REV3L: variants seen among roughly 807,000 people sequenced by gnomAD.
The protein encoded by REV3L is DNA polymerase zeta catalytic subunit.
REV3L carries 69 observed loss-of-function variants against 299.4 expected under a neutral mutation model. The observed-to-expected ratio is 0.23, with a 90% CI of 0.19 to 0.28. The LOEUF (loss-of-function observed/expected upper bound fraction) is 0.28. REV3L is among the 10% of genes least tolerant of loss of function. The pLI, the probability that REV3L is intolerant of heterozygous loss-of-function variation, is 1.00. For missense variants in REV3L, 3,128 were observed against 3,693.8 expected, an observed-to-expected ratio of 0.85 and a Z score of 3.97; for synonymous variants, 1,238 against 1,271.4, an observed-to-expected ratio of 0.97 and a Z score of 0.56.
chr6:111,430,397 G>A, intron 1 of REV3L: 2 of 1,352,742 alleles, frequency 1.5e-6, no homozygotes, highest in Non-Finnish European at 2.1e-6. Flanking sequence ...ATGACTACCA[G>A]TCCATAGAAA....
chr6:111,389,114 T>C lies in REV3L; in HGVS notation c.854A>G (p.Glu285Gly), dbSNP rs770946582. ...CACTATTAGGTTTATACCTTGTGAC[T>C]CAGGTTGGCTCATTTGAGAAGTTTC... ...RNETSQMSQP[E>G]SQDHRFVPAT... The change falls in exon 7 of 32, where the codon GAG (glutamate) becomes GGG (glycine). Residue 285 changes from glutamate (E) to glycine (G), a missense_variant. Glu to Gly is a moderately conservative substitution (Grantham distance 98). Around this residue, in one of 9 missense-constraint regions of REV3L, gnomAD observed 2,409 missense variants for 2,611.8 expected, o/e 0.92. Transcript: ENST00000368802. 6.2e-7 allele frequency: 1 copy of C among 1,612,708 alleles called. No homozygotes were observed. Among genetic ancestry groups the C allele is most frequent in the African/African-American group, 1.3e-5 (1 of 74,908 alleles).
In REV3L at chr6:111,307,483, C is replaced by G; in HGVS notation, c.9130G>C (p.Val3044Leu). ...CCATGCTGAGTTAGGTCATCACACA[C>G]AGGACAGTGTAAGGTAGTAAAATAT... The part of the protein sequence containing the change: ...SQYFTTLHCP[V>L]CDDLTQHGIC... Residue 3044 changes from valine (V) to leucine (L), a missense_variant, in exon 31 of 32, where the codon GTG (valine) becomes CTG (leucine). This residue lies in a region of REV3L where 294 missense variants were observed against 377.0 expected (regional missense o/e 0.78). Coordinates refer to ENST00000368802, the MANE Select transcript of REV3L (RefSeq NM_001372078.1). 1 of 1,614,192 alleles carries G rather than the reference C, an allele frequency of 6.2e-7. No individual in the cohort carries two copies. Among genetic ancestry groups the G allele is most frequent in the African/African-American group, 1.3e-5 (1 of 75,048 alleles).
At chr6:111,464,404 A>G (rs1348014205) in intron 1 of REV3L, among the ~76,000 whole-genome samples, 1 of 152,226 alleles carries the variant, frequency 6.6e-6, no homozygotes, top group Admixed American at 6.5e-5. Context: ...ATAGATAGGT[A>G]TGTATGGAAT....
intron 20 of REV3L, among the ~76,000 whole-genome samples, chr6:111,345,267 G>C (rs2114912996): frequency 6.6e-6 from 1 of 152,062 alleles, no homozygotes; most frequent in South Asian, 2.1e-4. Flanking sequence ...GAAGATATGG[G>C]GAACAGAGAA....
At chr6:111,430,178 GA>G (rs1786719987) in intron 1 of REV3L, 4 of 796,502 alleles carry the variant, frequency 5.0e-6, no homozygotes, top group Non-Finnish European at 6.9e-6. Context: ...TGCCCGGTGA[GA>G]AGCCTCTCAC....
At position 111,319,868 on chromosome 6, in the gene REV3L, TGCCCAG is replaced by T. The variant is rs1005921471; in HGVS notation, c.8351+2695_8351+2700del. Among the ~76,000 whole-genome samples, 15 of 152,130 alleles carry T rather than the reference TGCCCAG, an allele frequency of 9.9e-5. 1 individual carries two copies. The highest frequency in any genetic ancestry group is 5.8e-4 in the East Asian group (3 of 5,184). Reference sequence around the variant, plus strand: ...CTCTGAGATGGAGTTTTGCTCTTGTTGCCCAGGCTGGAGTGCAGTGGCGCGATTTTG... The same window carrying T: ...CTCTGAGATGGAGTTTTGCTCTTGTTGCTGGAGTGCAGTGGCGCGATTTTG... On this transcript the variant is annotated intron_variant, in intron 26 of 31. Transcript: ENST00000368802.
chr6:111,332,646 C>T (rs1775514507), intron 23 of REV3L, among the ~76,000 whole-genome samples: 1 of 152,090 alleles, frequency 6.6e-6, no homozygotes, highest in Admixed American at 6.5e-5. Flanking sequence ...AGAAAAGTAT[C>T]TAATCCTTTG....
chr6:111,473,254 T>C (rs912156191), intron 1 of REV3L, among the ~76,000 whole-genome samples: 6 of 149,054 alleles, frequency 4.0e-5, no homozygotes, highest in Non-Finnish European at 5.9e-5. Context: ...AGAGACGGGG[T>C]CTTGCCATGT....
chr6:111,359,640 G>T (rs1778445568), intron 16 of REV3L, among the ~76,000 whole-genome samples: 1 of 150,534 alleles, frequency 6.6e-6, no homozygotes, highest in African/African-American at 2.4e-5. Context: ...TGCTTTTCAT[G>T]CTTATTTTTC....
intron 3 of REV3L, among the ~76,000 whole-genome samples, chr6:111,410,211 A>C (rs1188351296): frequency 6.6e-6 from 1 of 152,216 alleles, no homozygotes; most frequent in Non-Finnish European, 1.5e-5. Context: ...TCTTGAAAAA[A>C]TAATAAATGA....
At position 111,476,920 on chromosome 6, in the gene REV3L, T is replaced by C. The variant is rs543229640; in HGVS notation, c.139+5830A>G. Among the ~76,000 whole-genome samples the C allele has an allele frequency of 2.0e-5, 3 of 152,314 alleles. No homozygotes were observed. The East Asian group carries it at 5.8e-4, about 29-fold the overall frequency. On this transcript the variant is annotated intron_variant, in intron 1 of 31. Transcript: ENST00000368802. The stretch of plus-strand genomic sequence containing the variant: ...ATCTAGAAAATCAATTTTTCCTTAA[T>C]TTTGTACATGGTTTTTTTAAATTAT...
intron 5 of REV3L, among the ~76,000 whole-genome samples, chr6:111,391,652 C>T (rs971171015): frequency 5.9e-5 from 9 of 152,308 alleles, no homozygotes; most frequent in East Asian, 1.9e-4. Context: ...TTGTCAGCTG[C>T]GCTTGGTGGC....
intron 17 of REV3L, among the ~76,000 whole-genome samples, chr6:111,357,747 C>T (rs1302346990): frequency 6.6e-6 from 1 of 152,038 alleles, no homozygotes; most frequent in African/African-American, 2.4e-5. Flanking sequence ...TACTTTGTTT[C>T]TGTCTTTACT....
intron 4 of REV3L, among the ~76,000 whole-genome samples, chr6:111,403,647 T>C (rs1236839057): frequency 1.3e-5 from 2 of 152,196 alleles, no homozygotes; most frequent in Non-Finnish European, 2.9e-5. Context: ...TTTCTTTCTT[T>C]CCTAGCACCT....
chr6:111,357,224 T>C, intron 17 of REV3L, 99 bp from the exon 18 acceptor site: 1 of 381,772 alleles, frequency 2.6e-6, no homozygotes, highest in Non-Finnish European at 4.5e-6. Flanking sequence ...AGTAAAATTG[T>C]ACTACTGAAA....
At position 111,367,789 on chromosome 6, in the gene REV3L, G is replaced by A. The variant is rs746618788; in HGVS notation, c.5999C>T (p.Ala2000Val). 3 of 1,613,970 alleles carry A rather than the reference G, an allele frequency of 1.9e-6. No individual in the cohort carries two copies. Among genetic ancestry groups the A allele is most frequent in the Non-Finnish European group, 2.5e-6 (3 of 1,180,018 alleles). Residue 2000 changes from alanine to valine, a missense_variant, in exon 14 of 32, where the codon GCC (alanine) becomes GTC (valine). Ala to Val is a moderately conservative substitution (Grantham distance 64). Transcript: ENST00000368802. The part of the protein sequence containing the change: ...KKIVIMPCKC[A>V]PSRQLVQVWL... The stretch of plus-strand genomic sequence containing the variant: ...CACTTGAACCAGTTGTCGACTTGGG[G>A]CACATTTGCAAGGCATAATCACAAT...
chr6:111,311,185 T>C lies in REV3L; in HGVS notation c.8679A>G (p.Gln2893=), dbSNP rs976236994. ...CCTTTCCTTCCAGAAGCTTCATACA[T>C]TGTCGCTGAACATACTGTTTAATTA... ...ISLIKQYVQR[Q]CMKLLEGKAS... The change falls in exon 29 of 32, where the codon CAA becomes CAG. Residue 2893 remains glutamine, a synonymous_variant. Transcript: ENST00000368802. 5.0e-6 allele frequency: 8 copies of C among 1,613,922 alleles called. No individual in the cohort carries two copies. Among genetic ancestry groups the C allele is most frequent in the South Asian group, 4.4e-5 (4 of 91,076 alleles).
chr6:111,338,646 AAAGT>A (rs1286292485), intron 21 of REV3L, among the ~76,000 whole-genome samples: 2 of 151,994 alleles, frequency 1.3e-5, no homozygotes. Context: ...AAAAATGGTG[AAAGT>A]AAGTCTAATA....
chr6:111,419,360 A>C lies in REV3L; in HGVS notation c.140-2888T>G, dbSNP rs149766617. ...AATAAGGAAAGAGAAATGTGTAAAA[A>C]TGAACACGAGAGTCAACTGCTTTTT... On this transcript the variant is annotated intron_variant, in intron 1 of 31. Coordinates refer to ENST00000368802, the MANE Select transcript of REV3L (RefSeq NM_001372078.1). Among the ~76,000 whole-genome samples, 988 of 152,382 alleles carry C rather than the reference A, an allele frequency of 6.5e-3. 26 individuals carry two copies. Among genetic ancestry groups the C allele is most frequent in the Admixed American group, 0.038 (582 of 15,304 alleles).
Sources: gnomAD v4.1 joint callset for allele counts (sites outside exome capture counted in the v4.1 genomes callset) on GRCh38, gnomAD v4.1.1 for gene constraint, gnomAD v4.1.1 regional missense constraint, MANE v1.5 for transcripts, NCBI Gene and HGNC (gene_info 2026-07-23, HGNC 2026-07-21) for gene names.